DLG2: variants seen among roughly 807,000 people sequenced by gnomAD.
The protein encoded by DLG2 is discs large MAGUK scaffold protein 2.
In DLG2, 45 loss-of-function variants were observed where a neutral mutation model predicts 132.5. The ratio of observed to expected loss-of-function variants is 0.34; its 90% confidence interval spans 0.27 to 0.44. The LOEUF is 0.44. DLG2 is among the 20% of genes least tolerant of loss of function. DLG2 has a pLI of 1.00. For missense variants in DLG2, 1,045 were observed against 1,196.9 expected (o/e 0.87, Z 1.87); for synonymous variants, 424 against 419.6 (o/e 1.01, Z -0.13).
At chr11:85,403,782 G>A (rs2088442272) in intron 3 of DLG2, among the ~76,000 whole-genome samples, 1 of 152,018 alleles carries the variant, frequency 6.6e-6, no homozygotes, top group Non-Finnish European at 1.5e-5. Context: ...AAGACAGGCT[G>A]CAGTGGGAAG....
At chr11:85,323,618 T>A (rs2081235857) in intron 3 of DLG2, among the ~76,000 whole-genome samples, 1 of 152,212 alleles carries the variant, frequency 6.6e-6, no homozygotes, top group African/African-American at 2.4e-5. Flanking sequence ...CTAACTGTAT[T>A]TTTCTACATA....
At chr11:85,165,895 C>T (rs1311575998) in intron 4 of DLG2, among the ~76,000 whole-genome samples, 2 of 152,146 alleles carry the variant, frequency 1.3e-5, no homozygotes, top group South Asian at 2.1e-4. Flanking sequence ...CCAAGAACCT[C>T]CTAGTCCTCA....
chr11:84,785,266 C>T (rs1005799238), intron 6 of DLG2, among the ~76,000 whole-genome samples: 1 of 151,892 alleles, frequency 6.6e-6, no homozygotes, highest in Admixed American at 6.6e-5. Flanking sequence ...AAAAAAAATT[C>T]TCCTGTAGTG....
At chr11:83,469,440 T>C (rs780968141) in intron 24 of DLG2, 67 bp from the exon 25 acceptor site, 1 of 1,175,220 alleles carries the variant, frequency 8.5e-7, no homozygotes, top group African/African-American at 1.5e-5. Flanking sequence ...TACACCTATA[T>C]TCTCCACCAC....
intron 21 of DLG2, among the ~76,000 whole-genome samples, chr11:83,531,224 C>A (rs2095735416): frequency 6.6e-6 from 1 of 151,922 alleles, no homozygotes; most frequent in Non-Finnish European, 1.5e-5. Flanking sequence ...TGAAGACAAC[C>A]CACAGAGTGG....
intron 7 of DLG2, among the ~76,000 whole-genome samples, chr11:84,433,261 C>T (rs1027438072): frequency 3.9e-5 from 6 of 152,006 alleles, no homozygotes; most frequent in East Asian, 1.9e-4. Context: ...ATATTGCTGA[C>T]GGGGAAGTGA....
At chr11:85,535,403 A>C (rs1284508402) in intron 3 of DLG2, among the ~76,000 whole-genome samples, 1 of 152,070 alleles carries the variant, frequency 6.6e-6, no homozygotes, top group Non-Finnish European at 1.5e-5. Flanking sequence ...TATAAAAATA[A>C]TGTCAGTGCG....
chr11:84,811,939 GA>G (rs771351100), intron 6 of DLG2, among the ~76,000 whole-genome samples: 4 of 152,102 alleles, frequency 2.6e-5, no homozygotes, highest in Non-Finnish European at 5.9e-5. Context: ...AGTGAGTGGG[GA>G]ACCTAACCCA....
intron 5 of DLG2, among the ~76,000 whole-genome samples, chr11:85,134,222 ACCATTTCCCACC>A (rs1329551190): frequency 6.6e-6 from 1 of 151,596 alleles, no homozygotes; most frequent in East Asian, 1.9e-4. Flanking sequence ...TACTGGCAGG[ACCATTTCCCACC>A]CCACTACTAA....
At chr11:84,849,212 G>A (rs150035911) in intron 6 of DLG2, among the ~76,000 whole-genome samples, 1 of 152,244 alleles carries the variant, frequency 6.6e-6, no homozygotes, top group East Asian at 1.9e-4. Flanking sequence ...CTACATAGCT[G>A]AAACAAGTCA....
intron 6 of DLG2, among the ~76,000 whole-genome samples, chr11:84,647,252 A>C (rs1183483469): frequency 6.6e-6 from 1 of 152,146 alleles, no homozygotes; most frequent in Non-Finnish European, 1.5e-5. Flanking sequence ...AGTGGGAGAG[A>C]AGGTTTTGCT....
intron 6 of DLG2, among the ~76,000 whole-genome samples, chr11:84,595,781 C>T (rs1202192582): frequency 6.6e-6 from 1 of 152,108 alleles, no homozygotes; most frequent in East Asian, 1.9e-4. Context: ...CAAAATCATC[C>T]AAATACTGCA....
At chr11:84,731,578 A>ATCC (rs528474807) in intron 6 of DLG2, among the ~76,000 whole-genome samples, 162 of 152,132 alleles carry the variant, frequency 1.1e-3, no homozygotes, top group African/African-American at 3.8e-3. Context: ...ATATACAAAG[A>ATCC]ATATGTGGTA....
chr11:83,655,748 G>A (rs1366978605), intron 18 of DLG2, among the ~76,000 whole-genome samples: 3 of 152,120 alleles, frequency 2.0e-5, no homozygotes, highest in Non-Finnish European at 4.4e-5. Context: ...CATATACCCT[G>A]GCCTACCAAC....
chr11:83,889,832 T>C (rs2069171695), intron 15 of DLG2, among the ~76,000 whole-genome samples: 1 of 151,726 alleles, frequency 6.6e-6, no homozygotes, highest in Non-Finnish European at 1.5e-5. Flanking sequence ...AAATTGGAAA[T>C]CATCATTCTC....
chr11:83,809,677 A>T (rs759480007), intron 17 of DLG2, among the ~76,000 whole-genome samples: 1 of 152,180 alleles, frequency 6.6e-6, no homozygotes, highest in Non-Finnish European at 1.5e-5. Flanking sequence ...CAAGGTTTAT[A>T]TCATCTGCAT....
At position 85,501,211 on chromosome 11, in the gene DLG2, G is replaced by A. The variant is rs140839616; in HGVS notation, c.40+97446C>T. 5.3e-3 allele frequency among the ~76,000 whole-genome samples: 805 copies of A among 152,266 alleles called. 4 individuals are homozygous for A. Among genetic ancestry groups the A allele is most frequent in the Middle Eastern group, 0.024 (7 of 294 alleles). ...TAAATGGTGCTGGGAAAACTGGCTA[G>A]CCATATGCAGAAAACTGAAACTGGA... On this transcript the variant is annotated intron_variant, in intron 3 of 27. Transcript: ENST00000376104.
At chr11:84,067,082 C>A (rs2096685475) in intron 10 of DLG2, among the ~76,000 whole-genome samples, 1 of 152,146 alleles carries the variant, frequency 6.6e-6, no homozygotes, top group Admixed American at 6.5e-5. Flanking sequence ...TCCCTGTAAT[C>A]CCGGTGCTTT....
At chr11:85,031,750 C>T (rs549511118) in intron 6 of DLG2, among the ~76,000 whole-genome samples, 21 of 152,002 alleles carry the variant, frequency 1.4e-4, no homozygotes, top group South Asian at 8.3e-4. Flanking sequence ...TGTTAACTTC[C>T]GAGAGCTACT....
Sources: allele counts gnomAD v4.1 joint callset (sites outside exome capture counted in the v4.1 genomes callset), GRCh38; gene constraint gnomAD v4.1.1; transcripts MANE v1.5; gene names NCBI Gene and HGNC (gene_info 2026-07-23, HGNC 2026-07-21).